The following TRAF3 variants were observed in gnomAD, a reference collection of about 807,000 sequenced individuals.
TRAF3 encodes the protein TNF receptor-associated factor 3.
A neutral mutation model predicts 62.3 loss-of-function variants in TRAF3; 13 were observed. The ratio of observed to expected loss-of-function variants is 0.21; its 90% CI spans 0.14 to 0.33. The LOEUF (loss-of-function observed/expected upper bound fraction) is 0.33. TRAF3 is among the 10% of genes least tolerant of loss of function. The probability of loss-of-function intolerance (pLI) is 1.00; values close to 1 mark genes in which losing one functional copy is unlikely to be tolerated. For missense variants in TRAF3, 440 were observed against 741.8 expected (o/e 0.59, Z 4.73); for synonymous variants, 269 against 283.4 (o/e 0.95, Z 0.51).
chr14:102,811,557 T>G (rs984009053), intron 1 of TRAF3, among the ~76,000 whole-genome samples: 4 of 148,626 alleles, frequency 2.7e-5, no homozygotes, highest in African/African-American at 9.9e-5. Flanking sequence ...GCGGTTTTTT[T>G]TTTTTTTTTT....
At chr14:102,860,063 C>T (rs1294493427) in intron 2 of TRAF3, among the ~76,000 whole-genome samples, 1 of 152,216 alleles carries the variant, frequency 6.6e-6, no homozygotes, top group Non-Finnish European at 1.5e-5. Flanking sequence ...GAGATCAGCC[C>T]ATCCCCCATG....
At chr14:102,852,350 T>C (rs1887095377) in intron 2 of TRAF3, among the ~76,000 whole-genome samples, 1 of 152,132 alleles carries the variant, frequency 6.6e-6, no homozygotes. Context: ...GCCTTTGAAC[T>C]TGGTCTTTGC....
chr14:102,811,824 T>G (rs1899184985), intron 1 of TRAF3, among the ~76,000 whole-genome samples: 1 of 148,238 alleles, frequency 6.7e-6, no homozygotes, highest in African/African-American at 2.5e-5. Context: ...CATAACTTAC[T>G]GTAACCTTGA....
At chr14:102,855,872 A>C (rs569459439) in intron 2 of TRAF3, among the ~76,000 whole-genome samples, 2 of 151,906 alleles carry the variant, frequency 1.3e-5, no homozygotes, top group African/African-American at 4.8e-5. Context: ...TGGGAGGATC[A>C]CTTGAGCCCA....
At chr14:102,883,804 T>G (rs936507446) in intron 6 of TRAF3, among the ~76,000 whole-genome samples, 2 of 152,190 alleles carry the variant, frequency 1.3e-5, no homozygotes, top group African/African-American at 4.8e-5. Context: ...CAGGCTGGTT[T>G]CAAACTCCTG....
intron 2 of TRAF3, among the ~76,000 whole-genome samples, chr14:102,846,638 T>TAAAAAAAAAAAAAAAAAAAAAAAAA (rs752922791): frequency 1.4e-5 from 1 of 71,784 alleles, no homozygotes; most frequent in African/African-American, 6.3e-5. Context: ...TCCAGCTTCT[T>TAAAAAAAAAAAAAAAAAAAAAAAAA]AAAAAAAAAA....
intron 1 of TRAF3, among the ~76,000 whole-genome samples, chr14:102,811,561 T>TG (rs1458791129): frequency 1.4e-4 from 21 of 149,528 alleles, no homozygotes; most frequent in Non-Finnish European, 3.1e-4. Flanking sequence ...TTTTTTTTTT[T>TG]TTTTTTTTTT....
chr14:102,811,790 C>G (rs1899183310), intron 1 of TRAF3, among the ~76,000 whole-genome samples: 1 of 150,218 alleles, frequency 6.7e-6, no homozygotes, highest in Non-Finnish European at 1.5e-5. Flanking sequence ...CTCTGCCACC[C>G]AGGCTGGAGT....
At chr14:102,782,177 G>A (rs982732118) in intron 1 of TRAF3, among the ~76,000 whole-genome samples, 1 of 151,954 alleles carries the variant, frequency 6.6e-6, no homozygotes, top group African/African-American at 2.4e-5. Flanking sequence ...GACCTCAGGT[G>A]ATCCACCTCA....
intron 1 of TRAF3, among the ~76,000 whole-genome samples, chr14:102,809,642 C>T (rs1899004219): frequency 6.6e-6 from 1 of 150,436 alleles, no homozygotes; most frequent in Non-Finnish European, 1.5e-5. Flanking sequence ...ATGCTATTCT[C>T]CTGTCTGTCT....
At chr14:102,845,533 C>G in intron 2 of TRAF3, among the ~76,000 whole-genome samples, 1 of 107,270 alleles carries the variant, frequency 9.3e-6, no homozygotes, top group Non-Finnish European at 1.8e-5. Flanking sequence ...TTTTTTTTTT[C>G]AAGACGGAGT....
At chr14:102,833,587 C>T (rs1000333900) in intron 2 of TRAF3, among the ~76,000 whole-genome samples, 9 of 152,178 alleles carry the variant, frequency 5.9e-5, no homozygotes, top group Non-Finnish European at 1.0e-4. Flanking sequence ...TTTGGAAACA[C>T]TAGAAAAATC....
At position 102,905,667 on chromosome 14, in the gene TRAF3, C is replaced by T. The variant is rs767522694; in HGVS notation, c.1590C>T (p.Ile530=). 166 of 1,612,868 alleles carry T rather than the reference C, an allele frequency of 1.0e-4. 4 individuals are homozygous for T. In the South Asian group the frequency reaches 1.4e-3, roughly 14 times the overall value. ...AGAAGCCCACTGGAGAGATGAATAT[C>T]GCCTCTGGCTGCCCAGTCTTTGTGG... The part of the protein sequence containing the change: ...SFKKPTGEMN[I]ASGCPVFVAQ... The change falls in exon 12 of 12, where the codon ATC becomes ATT. Residue 530 remains isoleucine (I), a synonymous_variant. Coordinates refer to ENST00000392745, the MANE Select transcript of TRAF3 (RefSeq NM_145725.3).
chr14:102,881,395 CAAAAAAAAA>C (rs57546209), intron 6 of TRAF3, among the ~76,000 whole-genome samples: 6 of 117,470 alleles, frequency 5.1e-5, no homozygotes, highest in South Asian at 3.0e-4. Flanking sequence ...ACAACAAAAA[CAAAAAAAAA>C]AAAAAAGAAA....
At chr14:102,791,114 G>A (rs1045712272) in intron 1 of TRAF3, among the ~76,000 whole-genome samples, 7 of 151,624 alleles carry the variant, frequency 4.6e-5, no homozygotes, top group African/African-American at 1.5e-4. Flanking sequence ...CCGCCTCCCG[G>A]GTTCATGCCA....
chr14:102,859,444 G>A (rs1317068747), intron 2 of TRAF3, among the ~76,000 whole-genome samples: 1 of 152,222 alleles, frequency 6.6e-6, no homozygotes, highest in Non-Finnish European at 1.5e-5. Context: ...ATAGCTAGGA[G>A]GCATGGCTAA....
chr14:102,895,531 C>T (rs1426899156), intron 9 of TRAF3, among the ~76,000 whole-genome samples: 6 of 152,176 alleles, frequency 3.9e-5, no homozygotes, highest in African/African-American at 1.4e-4. Context: ...TTGGTCCCCA[C>T]GCATTGGTGG....
intron 5 of TRAF3, 38 bp from the exon 6 acceptor site, chr14:102,876,320 T>C (rs747384135): frequency 1.4e-5 from 23 of 1,611,958 alleles, no homozygotes; most frequent in Non-Finnish European, 1.9e-5. Flanking sequence ...TTTAGGGTTT[T>C]TTTCCCAATT....
At chr14:102,825,295 A>G (rs916340129) in intron 1 of TRAF3, among the ~76,000 whole-genome samples, 1 of 152,206 alleles carries the variant, frequency 6.6e-6, no homozygotes, top group African/African-American at 2.4e-5. Context: ...AACTGGAGAC[A>G]GTAGGAAGCC....
Sources: allele counts gnomAD v4.1 joint callset (sites outside exome capture counted in the v4.1 genomes callset), GRCh38; gene constraint gnomAD v4.1.1; transcripts MANE v1.5; gene names NCBI Gene and HGNC (gene_info 2026-07-23, HGNC 2026-07-21).